The following SNAP91 variants were observed in gnomAD, a reference collection of about 807,000 sequenced individuals.
SNAP91 encodes synaptosome associated protein 91.
Under a neutral mutation model 100.3 loss-of-function variants are expected in SNAP91, and 27 were observed. That is an observed-to-expected ratio of 0.27 (90% CI 0.20 to 0.37). SNAP91 has a LOEUF of 0.37. SNAP91 is among the 10% of genes least tolerant of loss of function. SNAP91 has a pLI of 1.00. For synonymous variants in SNAP91, 404 were observed against 398.6 expected, an observed-to-expected ratio of 1.01 and a Z score of -0.16; for missense variants, 986 against 1,123.7, an observed-to-expected ratio of 0.88 and a Z score of 1.75.
At chr6:83,653,772 A>T (rs2098299009) in intron 7 of SNAP91, among the ~76,000 whole-genome samples, 1 of 152,152 alleles carries the variant, frequency 6.6e-6, no homozygotes, top group Admixed American at 6.6e-5. Context: ...AGTGTTCCAT[A>T]GTCCTGTGTT....
chr6:83,609,151 C>T (rs1403788376), intron 12 of SNAP91, among the ~76,000 whole-genome samples: 1 of 151,958 alleles, frequency 6.6e-6, no homozygotes, highest in Non-Finnish European at 1.5e-5. Context: ...TTAAAAAATG[C>T]CTTGTAACAA....
At chr6:83,629,069 T>A (rs1291633856) in intron 8 of SNAP91, among the ~76,000 whole-genome samples, 1 of 152,124 alleles carries the variant, frequency 6.6e-6, no homozygotes, top group Non-Finnish European at 1.5e-5. Flanking sequence ...TCCAGTTTTA[T>A]TCTCCTACAT....
chr6:83,617,061 A>AAATGTCTGCAATG, intron 9 of SNAP91, 22 bp from the exon 10 acceptor site: 2 of 1,485,444 alleles, frequency 1.3e-6, no homozygotes, highest in South Asian at 2.5e-5. Context: ...AAGTAAAAAT[A>AAATGTCTGCAATG]AATGTCTGCA....
chr6:83,684,308 A>G (rs973728415), intron 2 of SNAP91, among the ~76,000 whole-genome samples: 1 of 152,162 alleles, frequency 6.6e-6, no homozygotes, highest in Non-Finnish European at 1.5e-5. Context: ...GGAAAGGCTG[A>G]CACAGACCTC....
In SNAP91 at chr6:83,659,757, G is replaced by GT. The variant is rs142190338; in HGVS notation, c.453-666dup. Among the ~76,000 whole-genome samples, 154 of 150,868 alleles carry GT rather than the reference G, an allele frequency of 1.0e-3. No individual in the cohort carries two copies. The East Asian group carries it at 0.013, about 13-fold the overall frequency. ...AAAATATAAGCTTTCAAAAAAGCCA[G>GT]TTTTTTTTTCTTTTTTTTTGAGAAA... On this transcript the variant is annotated intron_variant, in intron 5 of 29. Transcript: ENST00000369694.
intron 14 of SNAP91, among the ~76,000 whole-genome samples, chr6:83,604,766 A>T (rs919319584): frequency 6.6e-6 from 1 of 152,178 alleles, no homozygotes; most frequent in Non-Finnish European, 1.5e-5. Flanking sequence ...ATAGGTCATT[A>T]ACAGCTTTCT....
intron 8 of SNAP91, among the ~76,000 whole-genome samples, chr6:83,627,033 A>G (rs144048172): frequency 6.6e-6 from 1 of 152,212 alleles, no homozygotes; most frequent in African/African-American, 2.4e-5. Flanking sequence ...CGTTCCTTCA[A>G]TGCCTAATTT....
At chr6:83,651,686 T>A (rs757666828) in intron 7 of SNAP91, among the ~76,000 whole-genome samples, 2 of 152,214 alleles carry the variant, frequency 1.3e-5, no homozygotes, top group Non-Finnish European at 2.9e-5. Flanking sequence ...GAATGTTCTA[T>A]GCAAGCTTGA....
Position 83,641,170 on chromosome 6 carries a change from T to C in SNAP91, c.691A>G (p.Lys231Glu), listed in dbSNP as rs2097684893. 1 of 1,515,798 alleles carries C rather than the reference T, an allele frequency of 6.6e-7. No individual in the cohort carries two copies. Among genetic ancestry groups the C allele is most frequent in the Non-Finnish European group, 8.8e-7 (1 of 1,132,720 alleles). 93.9% of individuals were successfully genotyped at this position (1,515,798 alleles called of 1,614,324 possible). Residue 231 changes from lysine to glutamate, a missense_variant, in exon 8 of 30, where the codon AAA (lysine) becomes GAA (glutamate). Lys to Glu is a moderately conservative substitution (Grantham distance 56). Coordinates refer to ENST00000369694, the MANE Select transcript of SNAP91 (RefSeq NM_001242792.2). ...KFFEMKKGQC[K>E]DALEIYKRFL... is the part of the protein sequence containing the mutation. ...CGTTTGTAAATTTCTAGAGCATCTT[T>C]ACATTGTCCTTTCTTCATTTCAAAA...
intron 2 of SNAP91, chr6:83,690,553 C>T (rs926998398): frequency 2.6e-5 from 11 of 423,958 alleles, no homozygotes; most frequent in East Asian, 8.3e-5. Flanking sequence ...TTTTGACTAA[C>T]GTACCTCTAA....
chr6:83,584,007 T>C (rs1014250839), intron 22 of SNAP91, among the ~76,000 whole-genome samples: 1 of 152,212 alleles, frequency 6.6e-6, no homozygotes, highest in Non-Finnish European at 1.5e-5. Context: ...TCATATAACT[T>C]TCTTTACTGA....
intron 22 of SNAP91, among the ~76,000 whole-genome samples, chr6:83,588,292 A>G (rs1417565950): frequency 6.6e-6 from 1 of 152,212 alleles, no homozygotes; most frequent in Non-Finnish European, 1.5e-5. Flanking sequence ...TAAATAGAAA[A>G]GAGAGAAATA....
intron 2 of SNAP91, among the ~76,000 whole-genome samples, chr6:83,692,832 A>T (rs1472717620): frequency 6.6e-6 from 1 of 152,128 alleles, no homozygotes. Flanking sequence ...TTTTTTCCCT[A>T]CTAGCTAGAG....
At chr6:83,572,007 G>T (rs1157378816) in intron 26 of SNAP91, among the ~76,000 whole-genome samples, 1 of 152,104 alleles carries the variant, frequency 6.6e-6, no homozygotes, top group Admixed American at 6.5e-5. Context: ...GATATGACTT[G>T]CTCCTCCTTG....
At chr6:83,618,918 A>C (rs1040512699) in intron 9 of SNAP91, among the ~76,000 whole-genome samples, 1 of 152,072 alleles carries the variant, frequency 6.6e-6, no homozygotes, top group African/African-American at 2.4e-5. Flanking sequence ...TGCTATTTTT[A>C]GTCACAAAAT....
chr6:83,641,221 T>C lies in SNAP91; in HGVS notation c.659-19A>G. Reference sequence around the variant, plus strand: ...AACTTTTCTAGAGAAGATAAAGAGATAAGCAATTTGAAAAGAGTATTATGT... The same window carrying C: ...AACTTTTCTAGAGAAGATAAAGAGACAAGCAATTTGAAAAGAGTATTATGT... On this transcript the variant is annotated intron_variant, in intron 7 of 29. Coordinates refer to ENST00000369694, the MANE Select transcript of SNAP91 (RefSeq NM_001242792.2). The C allele has an allele frequency of 8.7e-7, 1 of 1,148,258 alleles. No homozygotes were observed. The highest frequency in any genetic ancestry group is 1.5e-5 in the South Asian group (1 of 65,110). 71.1% of individuals were successfully genotyped at this position (1,148,258 alleles called of 1,614,324 possible).
At chr6:83,563,222 TAG>T (rs1382757245) in intron 26 of SNAP91, among the ~76,000 whole-genome samples, 1 of 152,154 alleles carries the variant, frequency 6.6e-6, no homozygotes, top group African/African-American at 2.4e-5. Flanking sequence ...AGGGCAGGGT[TAG>T]AGTTTGCAGC....
chr6:83,671,197 C>A (rs1240136516), intron 2 of SNAP91, among the ~76,000 whole-genome samples: 2 of 151,932 alleles, frequency 1.3e-5, no homozygotes, highest in South Asian at 2.1e-4. Flanking sequence ...ATGTTTTGTT[C>A]TTTTCAGTAC....
At chr6:83,584,986 C>T (rs1024449814) in intron 22 of SNAP91, among the ~76,000 whole-genome samples, 1 of 152,098 alleles carries the variant, frequency 6.6e-6, no homozygotes, top group Non-Finnish European at 1.5e-5. Flanking sequence ...AGTAAGTGCC[C>T]TCACAAGCCT....
Sources: allele counts gnomAD v4.1 joint callset (sites outside exome capture counted in the v4.1 genomes callset), GRCh38; gene constraint gnomAD v4.1.1; transcripts MANE v1.5; gene names NCBI Gene and HGNC (gene_info 2026-07-23, HGNC 2026-07-21).